The following IL7 variants were observed in gnomAD, a reference collection of about 807,000 sequenced individuals.
The protein encoded by IL7 is interleukin-7.
A neutral mutation model predicts 21.6 loss-of-function variants in IL7; 3 were observed. The observed-to-expected ratio is 0.14, with a 90% CI of 0.06 to 0.36. The LOEUF (loss-of-function observed/expected upper bound fraction) is 0.36. Ranked by LOEUF, IL7 falls within the 10% of genes least tolerant of loss-of-function variation. The probability of loss-of-function intolerance (pLI) is 1.00; values close to 1 mark genes in which losing one functional copy is unlikely to be tolerated. For missense variants in IL7, 175 were observed against 200.2 expected, an observed-to-expected ratio of 0.87 and a Z score of 0.76; for synonymous variants, 62 against 68.1, an observed-to-expected ratio of 0.91 and a Z score of 0.44.
intron 2 of IL7, among the ~76,000 whole-genome samples, chr8:78,745,451 TGTTTCTTTC>T (rs1437963958): frequency 2.4e-4 from 36 of 152,218 alleles, no homozygotes; most frequent in African/African-American, 7.2e-4. Flanking sequence ...AAAGAACATT[TGTTTCTTTC>T]TGGTTTCTTT....
At chr8:78,780,003 G>T (rs757605203) in intron 2 of IL7, among the ~76,000 whole-genome samples, 61 of 152,178 alleles carry the variant, frequency 4.0e-4, no homozygotes, top group Non-Finnish European at 7.2e-4. Flanking sequence ...ATTTCTTCTA[G>T]ATTTTCTAAT....
chr8:78,791,553 T>C (rs1813694391), intron 2 of IL7, among the ~76,000 whole-genome samples: 1 of 152,046 alleles, frequency 6.6e-6, no homozygotes, highest in Non-Finnish European at 1.5e-5. Flanking sequence ...AGCACAAGAA[T>C]TGCTTGAACC....
chr8:78,733,573 C>T lies in IL7; in HGVS notation c.*140G>A, dbSNP rs1228081156. 7.6e-6 allele frequency: 6 copies of T among 792,520 alleles called. No individual in the cohort carries two copies. The highest frequency in any genetic ancestry group is 3.5e-5 in the South Asian group (2 of 56,738). The allele number at this position is 792,520 out of a possible 1,614,324, so 49.1% of individuals were successfully genotyped here. A position where few individuals can be genotyped will look rare whatever the true frequency, so the allele number is the denominator to read the frequency against. On this transcript the variant is annotated 3_prime_UTR_variant, in exon 6 of 6. Transcript: ENST00000263851. Reference sequence around the variant, plus strand: ...TCTTCTAGTAATACAATATGCATTTCTCAAATGCCCTAATCCGTTTTGACC... The same window carrying T: ...TCTTCTAGTAATACAATATGCATTTTTCAAATGCCCTAATCCGTTTTGACC...
intron 4 of IL7, among the ~76,000 whole-genome samples, chr8:78,677,102 C>G (rs1251920611): frequency 6.6e-6 from 1 of 152,052 alleles, no homozygotes; most frequent in Non-Finnish European, 1.5e-5. Flanking sequence ...GCCTAAGAGG[C>G]TGCAAGACAC....
At chr8:78,743,197 C>A (rs761343095) in intron 2 of IL7, among the ~76,000 whole-genome samples, 18 of 152,180 alleles carry the variant, frequency 1.2e-4, no homozygotes, top group Non-Finnish European at 2.4e-4. Context: ...CTGCAATGAA[C>A]ATACATGTGC....
chr8:78,754,857 T>A (rs1812297137), intron 2 of IL7, among the ~76,000 whole-genome samples: 2 of 152,146 alleles, frequency 1.3e-5, no homozygotes, highest in African/African-American at 4.8e-5. Context: ...ATTTGTTTCT[T>A]TTTGTTTTTG....
intron 3 of IL7, 129 bp downstream of exon 3, chr8:78,739,873 A>G (rs1811720669): frequency 2.5e-6 from 2 of 785,814 alleles, no homozygotes; most frequent in Non-Finnish European, 3.5e-6. Context: ...GTATGATTTA[A>G]TCAATGGGAA....
intron 3 of IL7, among the ~76,000 whole-genome samples, chr8:78,694,350 C>A (rs534027910): frequency 2.4e-4 from 36 of 150,578 alleles, no homozygotes; most frequent in Admixed American, 2.7e-4. Context: ...TTGACCTTTG[C>A]TGCTTGTTAC....
chr8:78,783,196 T>C (rs1158234196), intron 2 of IL7, among the ~76,000 whole-genome samples: 2 of 152,170 alleles, frequency 1.3e-5, no homozygotes, highest in Admixed American at 1.3e-4. Flanking sequence ...ACTGAGAGAA[T>C]ATGCACTGCT....
chr8:78,748,668 G>A (rs367902952), intron 2 of IL7, among the ~76,000 whole-genome samples: 8 of 152,280 alleles, frequency 5.3e-5, no homozygotes, highest in East Asian at 3.9e-4. Flanking sequence ...AACAGATGAC[G>A]TTTGAGCTGA....
At chr8:78,740,573 C>T (rs1391527745) in intron 2 of IL7, among the ~76,000 whole-genome samples, 2 of 152,072 alleles carry the variant, frequency 1.3e-5, no homozygotes, top group East Asian at 3.8e-4. Context: ...AACCCTTTAC[C>T]CCTTCATATC....
intron 2 of IL7, among the ~76,000 whole-genome samples, chr8:78,775,903 T>G (rs570981068): frequency 1.1e-4 from 17 of 152,022 alleles, no homozygotes; most frequent in Non-Finnish European, 2.4e-4. Flanking sequence ...AAATAAATAT[T>G]TAGTGGTTAT....
chr8:78,760,554 C>T, intron 2 of IL7: 1 of 1,546,144 alleles, frequency 6.5e-7, no homozygotes, highest in Admixed American at 2.0e-5. Flanking sequence ...TACATGTCAG[C>T]ATGGTGTTCC....
chr8:78,757,074 G>A (rs1390613305), intron 2 of IL7, among the ~76,000 whole-genome samples: 4 of 150,968 alleles, frequency 2.6e-5, no homozygotes, highest in African/African-American at 4.9e-5. Flanking sequence ...CATAGGTTTG[G>A]GTATGTTGTG....
intron 3 of IL7, among the ~76,000 whole-genome samples, chr8:78,697,825 G>C (rs1810476658): frequency 6.6e-6 from 1 of 151,646 alleles, no homozygotes. Flanking sequence ...ACTATAGGCG[G>C]GTGCCACCAT....
downstream of IL7, chr8:78,717,470 G>A (rs1811143266): frequency 6.3e-7 from 1 of 1,588,658 alleles, no homozygotes. Flanking sequence ...CTGTGAATGT[G>A]GCATTCGAAG....
intron 3 of IL7, among the ~76,000 whole-genome samples, chr8:78,693,626 A>T (rs1464452775): frequency 6.6e-6 from 1 of 151,996 alleles, no homozygotes; most frequent in Non-Finnish European, 1.5e-5. Context: ...TAGATTCTGG[A>T]TATTAGCCCT....
rs1232072982 is a variant in IL7, at chr8:78,798,102, A to C, written c.117T>G (p.Ser39Arg). Residue 39 changes from serine (S) to arginine (R), a missense_variant, in exon 2 of 6, where the codon AGT (serine) becomes AGG (arginine). Coordinates refer to ENST00000263851, the MANE Select transcript of IL7 (RefSeq NM_000880.4). ...IEGKDGKQYE[S>R]VLMVSIDQLL... ...ATTGATCGATGCTGACCATTAGAAC[A>C]CTCTCATATTGTTTGCCATCTTTAC... 1 of 1,611,476 alleles carries C rather than the reference A, an allele frequency of 6.2e-7. No individual in the cohort carries two copies. Among genetic ancestry groups the C allele is most frequent in the Middle Eastern group, 1.7e-4 (1 of 6,048 alleles).
chr8:78,709,540 G>T (rs1201401919), intron 3 of IL7, among the ~76,000 whole-genome samples: 2 of 152,038 alleles, frequency 1.3e-5, no homozygotes, highest in East Asian at 1.9e-4. Context: ...GTGGAATTGA[G>T]ATACTAATTA....
Sources: gnomAD v4.1 joint callset for allele counts (sites outside exome capture counted in the v4.1 genomes callset) on GRCh38, gnomAD v4.1.1 for gene constraint, MANE v1.5 for transcripts, NCBI Gene and HGNC (gene_info 2026-07-23, HGNC 2026-07-21) for gene names.